The following IL1RAPL1 variants were observed in gnomAD, a reference collection of about 807,000 sequenced individuals.
IL1RAPL1 encodes interleukin 1 receptor accessory protein like 1, also known as interleukin-1 receptor accessory protein-like 1.
In IL1RAPL1, 3 loss-of-function variants were observed where a neutral mutation model predicts 48.4. That is an observed-to-expected ratio of 0.06 (90% CI 0.03 to 0.16). The LOEUF is 0.16. Ranked by LOEUF, IL1RAPL1 falls within the 10% of genes least tolerant of loss-of-function variation. The pLI is 1.00. For missense variants in IL1RAPL1, 349 were observed against 530.6 expected, an observed-to-expected ratio of 0.66 and a Z score of 3.36; for synonymous variants, 185 against 187.7, an observed-to-expected ratio of 0.99 and a Z score of 0.12.
In IL1RAPL1 at chrX:29,008,320, G is replaced by A. The variant is rs763877372; in HGVS notation, c.82+218895G>A. 9.6e-4 allele frequency among the ~76,000 whole-genome samples: 104 copies of A among 108,395 alleles called. 1 individual carries two copies. Among genetic ancestry groups the A allele is most frequent in the African/African-American group, 3.3e-3 (96 of 29,098 alleles). 94.1% of individuals were successfully genotyped at this position (108,395 alleles called of 115,157 possible). A position where few individuals can be genotyped will look rare whatever the true frequency, so the allele number is the denominator to read the frequency against. Reference sequence around the variant, plus strand: ...GAGTAGGGTAGCTGGGACTACAGGCGCCCGCCACCACGCTTGGCTATTTTT... The same window carrying A: ...GAGTAGGGTAGCTGGGACTACAGGCACCCGCCACCACGCTTGGCTATTTTT... On this transcript the variant is annotated intron_variant, in intron 2 of 10. Coordinates refer to ENST00000378993, the MANE Select transcript of IL1RAPL1 (RefSeq NM_014271.4).
intron 6 of IL1RAPL1, among the ~76,000 whole-genome samples, chrX:29,833,114 CTA>C (rs1208744758): frequency 2.7e-5 from 3 of 111,794 alleles, no homozygotes; most frequent in Admixed American, 9.5e-5. Flanking sequence ...AAAACAAGCA[CTA>C]TAAGCATTAT....
chrX:28,747,361 C>A (rs1345935757), intron 1 of IL1RAPL1, among the ~76,000 whole-genome samples: 1 of 111,720 alleles, frequency 9.0e-6, no homozygotes, highest in Non-Finnish European at 1.9e-5. Context: ...AGGGGCCGGG[C>A]GCAGTGGCTC....
intron 2 of IL1RAPL1, among the ~76,000 whole-genome samples, chrX:29,048,580 T>C (rs1327273048): frequency 1.8e-5 from 2 of 112,215 alleles, no homozygotes; most frequent in African/African-American, 6.5e-5. Flanking sequence ...ATTCTGCATA[T>C]CTTATCAATT....
chrX:29,336,926 T>G (rs1327058698), intron 3 of IL1RAPL1, among the ~76,000 whole-genome samples: 1 of 111,065 alleles, frequency 9.0e-6, no homozygotes, highest in African/African-American at 3.3e-5. Flanking sequence ...CTAGTTTCTA[T>G]GACTTACCTG....
chrX:28,716,949 A>G (rs1935510704), intron 1 of IL1RAPL1, among the ~76,000 whole-genome samples: 1 of 112,065 alleles, frequency 8.9e-6, no homozygotes, highest in Admixed American at 9.5e-5. Context: ...AGTCAAAACC[A>G]CAATGAGATA....
At chrX:29,107,118 G>T (rs1397163188) in intron 2 of IL1RAPL1, among the ~76,000 whole-genome samples, 1 of 112,081 alleles carries the variant, frequency 8.9e-6, no homozygotes, top group Non-Finnish European at 1.9e-5. Context: ...TTATTTAAGA[G>T]TAAGTACTTT....
intron 2 of IL1RAPL1, among the ~76,000 whole-genome samples, chrX:28,823,256 C>T (rs1936957258): frequency 9.0e-6 from 1 of 111,353 alleles, no homozygotes; most frequent in Admixed American, 9.6e-5. Flanking sequence ...CAAAAATGTA[C>T]CAGATCTTGA....
chrX:28,667,381 T>C (rs642519), intron 1 of IL1RAPL1, among the ~76,000 whole-genome samples: 45,404 of 111,130 alleles, frequency 0.41, 6,879 homozygotes, highest in South Asian at 0.57. Context: ...ACAAAACTTA[T>C]TGTCAATCGA....
At chrX:29,744,745 T>G (rs1390114193) in intron 6 of IL1RAPL1, among the ~76,000 whole-genome samples, 1 of 112,165 alleles carries the variant, frequency 8.9e-6, no homozygotes, top group Non-Finnish European at 1.9e-5. Context: ...TATTCAGTGA[T>G]TAAAAATGAG....
At chrX:29,755,129 A>T (rs1211196859) in intron 6 of IL1RAPL1, among the ~76,000 whole-genome samples, 1 of 112,653 alleles carries the variant, frequency 8.9e-6, no homozygotes, top group Non-Finnish European at 1.9e-5. Flanking sequence ...CAGCTGCCTC[A>T]TAAGTATGGC....
chrX:29,413,009 A>G (rs1207750994), intron 5 of IL1RAPL1, among the ~76,000 whole-genome samples: 1 of 112,159 alleles, frequency 8.9e-6, no homozygotes, highest in East Asian at 2.8e-4. Context: ...CTTAAATTGT[A>G]GCTCCCATAA....
chrX:29,925,448 T>TTTG (rs1932881679), intron 8 of IL1RAPL1, among the ~76,000 whole-genome samples: 2 of 44,648 alleles, frequency 4.5e-5, no homozygotes, highest in African/African-American at 9.7e-5. Context: ...TTTTTTTTGC[T>TTTG]GGGGGGGGCT....
rs181406347 is a variant in IL1RAPL1 at position 29,114,782 on chromosome X, A to T, written c.83-168156A>T. Reference sequence around the variant, plus strand: ...GTAGCTGGGATTACAGGCATCTGCCACCACACCTGGCTAATTTTTGTATTT... The same window carrying T: ...GTAGCTGGGATTACAGGCATCTGCCTCCACACCTGGCTAATTTTTGTATTT... On this transcript the variant is annotated intron_variant, in intron 2 of 10. Coordinates refer to ENST00000378993, the MANE Select transcript of IL1RAPL1 (RefSeq NM_014271.4). Among the ~76,000 whole-genome samples, 159 of 110,352 alleles carry T rather than the reference A, an allele frequency of 1.4e-3. 1 individual carries two copies. The highest frequency in any genetic ancestry group is 5.0e-3 in the African/African-American group (153 of 30,317).
intron 5 of IL1RAPL1, among the ~76,000 whole-genome samples, chrX:29,518,697 T>A (rs953170976): frequency 1.8e-5 from 2 of 110,817 alleles, no homozygotes; most frequent in African/African-American, 6.6e-5. Context: ...TGAGAGACAG[T>A]GGGAATAAAG....
chrX:29,067,103 GTT>G (rs1927466843), intron 2 of IL1RAPL1, among the ~76,000 whole-genome samples: 1 of 111,433 alleles, frequency 9.0e-6, no homozygotes. Flanking sequence ...TTGTTTGTTT[GTT>G]TGTTTTTAAT....
At chrX:29,925,738 CTA>C (rs1333875488) in intron 8 of IL1RAPL1, among the ~76,000 whole-genome samples, 1 of 109,247 alleles carries the variant, frequency 9.2e-6, no homozygotes, top group African/African-American at 3.3e-5. Context: ...CAGGGTCTCC[CTA>C]TGTTTCCCAG....
chrX:29,276,056 A>C (rs1602147287), intron 2 of IL1RAPL1, among the ~76,000 whole-genome samples: 1 of 112,225 alleles, frequency 8.9e-6, no homozygotes, highest in Non-Finnish European at 1.9e-5. Context: ...TAAAGGATCA[A>C]TTTGCTGGCT....
intron 6 of IL1RAPL1, among the ~76,000 whole-genome samples, chrX:29,887,969 C>T (rs1231317800): frequency 9.0e-6 from 1 of 111,147 alleles, no homozygotes; most frequent in African/African-American, 3.3e-5. Flanking sequence ...CTAATAGTAC[C>T]AAACAATTTA....
chrX:29,462,557 T>C (rs1934815219), intron 5 of IL1RAPL1, among the ~76,000 whole-genome samples: 1 of 111,489 alleles, frequency 9.0e-6, no homozygotes, highest in East Asian at 2.8e-4. Flanking sequence ...CATCATTCCC[T>C]CTCTCCCCTG....
Sources: gnomAD v4.1 joint callset for allele counts (sites outside exome capture counted in the v4.1 genomes callset) on GRCh38, gnomAD v4.1.1 for gene constraint, MANE v1.5 for transcripts, NCBI Gene and HGNC (gene_info 2026-07-23, HGNC 2026-07-21) for gene names.